PDE1A: variants seen among roughly 807,000 people sequenced by gnomAD.
PDE1A encodes dual specificity calcium/calmodulin-dependent 3',5'-cyclic nucleotide phosphodiesterase 1A.
Under a neutral mutation model 61.7 loss-of-function variants are expected in PDE1A, and 35 were observed. The observed-to-expected ratio is 0.57, with a 90% CI of 0.43 to 0.75. The LOEUF is 0.75. Among genes scored for constraint, PDE1A ranks in the 30% least tolerant of loss-of-function variants. The pLI, the probability that PDE1A is intolerant of heterozygous loss-of-function variation, is 0.00. For synonymous variants in PDE1A, 232 were observed against 213.2 expected, an observed-to-expected ratio of 1.09 and a Z score of -0.77; for missense variants, 597 against 630.6, an observed-to-expected ratio of 0.95 and a Z score of 0.57.
At chr2:182,578,837 G>A in the PDE1A span, among the ~76,000 whole-genome samples, 1 of 152,106 alleles carries the variant, frequency 6.6e-6, no homozygotes, top group Non-Finnish European at 1.5e-5. Context: ...GAAGGTTGAA[G>A]GGAGTATTAT....
At chr2:182,646,275 C>T in the PDE1A span, among the ~76,000 whole-genome samples, 1 of 149,452 alleles carries the variant, frequency 6.7e-6, no homozygotes, top group African/African-American at 2.5e-5. Flanking sequence ...TGGTGAAACC[C>T]TGTCTTTACT....
At chr2:182,568,137 GC>G in the PDE1A span, among the ~76,000 whole-genome samples, 1 of 151,834 alleles carries the variant, frequency 6.6e-6, no homozygotes, top group African/African-American at 2.4e-5. Context: ...TTTTTGTATA[GC>G]CTTTTTTGTA....
chr2:182,494,214 T>C (rs1358140291), intron 2 of PDE1A, among the ~76,000 whole-genome samples: 1 of 152,016 alleles, frequency 6.6e-6, no homozygotes, highest in Non-Finnish European at 1.5e-5. Flanking sequence ...CCTTTTATCA[T>C]CTACATATCC....
intron 1 of PDE1A, chr2:182,314,229 A>G (rs1380974737): frequency 6.6e-6 from 1 of 152,238 alleles, no homozygotes; most frequent in East Asian, 1.9e-4. Context: ...TAATTGATAC[A>G]CACAGCATCA....
chr2:182,193,615 C>G (rs1233877470), intron 10 of PDE1A, among the ~76,000 whole-genome samples: 1 of 152,154 alleles, frequency 6.6e-6, no homozygotes, highest in East Asian at 1.9e-4. Context: ...TTTACTTCTA[C>G]AAATGGGCCC....
At chr2:182,340,171 C>A (rs888756528) in intron 1 of PDE1A, among the ~76,000 whole-genome samples, 1 of 152,096 alleles carries the variant, frequency 6.6e-6, no homozygotes, top group Admixed American at 6.6e-5. Flanking sequence ...TCAAAATAAG[C>A]AAATGGCTGC....
intron 2 of PDE1A, among the ~76,000 whole-genome samples, chr2:182,467,118 A>T (rs1686725312): frequency 6.6e-6 from 1 of 151,732 alleles, no homozygotes; most frequent in Non-Finnish European, 1.5e-5. Flanking sequence ...ATAACGAAGA[A>T]AAAAAGAAGA....
the PDE1A span, among the ~76,000 whole-genome samples, chr2:182,532,932 C>A: frequency 1.9e-5 from 2 of 104,452 alleles, no homozygotes; most frequent in Non-Finnish European, 3.5e-5. Context: ...GGGGACACAG[C>A]GAGACTCCGT....
chr2:182,240,822 A>C (rs1047129291), intron 2 of PDE1A, among the ~76,000 whole-genome samples: 3 of 152,226 alleles, frequency 2.0e-5, no homozygotes, highest in Non-Finnish European at 2.9e-5. Flanking sequence ...AGTACCTCTA[A>C]ATTTTAGGAA....
the PDE1A span, among the ~76,000 whole-genome samples, chr2:182,627,836 C>T: frequency 2.0e-5 from 3 of 150,930 alleles, no homozygotes; most frequent in African/African-American, 7.3e-5. Flanking sequence ...CCCAGCTACT[C>T]AGAAGGCTGA....
At chr2:182,167,658 C>T (rs1574537195), downstream of PDE1A, among the ~76,000 whole-genome samples, 1 of 151,982 alleles carries the variant, frequency 6.6e-6, no homozygotes, top group Non-Finnish European at 1.5e-5. Flanking sequence ...CTGTCTCTTC[C>T]CAATTTGCAA....
At chr2:182,600,240 T>C in the PDE1A span, among the ~76,000 whole-genome samples, 2 of 152,246 alleles carry the variant, frequency 1.3e-5, no homozygotes, top group Non-Finnish European at 2.9e-5. Flanking sequence ...TTCTGTACCA[T>C]CTGTTGCAGA....
chr2:182,324,165 A>G (rs985987236), intron 1 of PDE1A, among the ~76,000 whole-genome samples: 2 of 152,124 alleles, frequency 1.3e-5, no homozygotes, highest in African/African-American at 2.4e-5. Context: ...TATTACTATA[A>G]GGGAGATAGG....
At chr2:182,351,988 T>A (rs1042168351) in intron 1 of PDE1A, among the ~76,000 whole-genome samples, 3 of 152,194 alleles carry the variant, frequency 2.0e-5, no homozygotes, top group South Asian at 4.1e-4. Context: ...GAGTCATGCA[T>A]GTCAAAACAT....
At chr2:182,519,823 T>TCAC (rs1690453221) in intron 2 of PDE1A, among the ~76,000 whole-genome samples, 1 of 151,934 alleles carries the variant, frequency 6.6e-6, no homozygotes, top group African/African-American at 2.4e-5. Flanking sequence ...TATTTTACTT[T>TCAC]CACCTTTGTC....
intron 1 of PDE1A, among the ~76,000 whole-genome samples, chr2:182,302,723 A>G (rs1483760573): frequency 6.6e-6 from 1 of 152,182 alleles, no homozygotes; most frequent in Non-Finnish European, 1.5e-5. Flanking sequence ...GTTTGATAGC[A>G]TTTGACCCAC....
At chr2:182,473,928 G>A (rs1031668302) in intron 2 of PDE1A, among the ~76,000 whole-genome samples, 9 of 151,964 alleles carry the variant, frequency 5.9e-5, no homozygotes, top group East Asian at 1.9e-4. Flanking sequence ...TTGCTATTGC[G>A]AAAAGTGCTA....
chr2:182,361,463 A>G (rs1380672439), intron 1 of PDE1A, among the ~76,000 whole-genome samples: 1 of 152,076 alleles, frequency 6.6e-6, no homozygotes, highest in East Asian at 1.9e-4. Context: ...AGATGAAACT[A>G]CTTGTTTGTC....
intron 2 of PDE1A, among the ~76,000 whole-genome samples, chr2:182,247,607 A>T (rs1691071767): frequency 6.6e-6 from 1 of 152,208 alleles, no homozygotes; most frequent in Non-Finnish European, 1.5e-5. Flanking sequence ...CAACATGAGC[A>T]GCTCCTCAAG....
Sources: allele counts gnomAD v4.1 joint callset (sites outside exome capture counted in the v4.1 genomes callset), GRCh38; gene constraint gnomAD v4.1.1; transcripts MANE v1.5; gene names NCBI Gene and HGNC (gene_info 2026-07-23, HGNC 2026-07-21).